Variants in SSX2IP observed in about 807,000 individuals in gnomAD.
The protein encoded by SSX2IP is SSX family member 2 interacting protein.
In SSX2IP, 55 loss-of-function variants were observed where a neutral mutation model predicts 84.9. The observed-to-expected ratio is 0.65, with a 90% CI of 0.52 to 0.81. The LOEUF (loss-of-function observed/expected upper bound fraction) is 0.81, where lower values mean the gene tolerates loss of function less well. Among genes scored for constraint, SSX2IP ranks in the 30% least tolerant of loss-of-function variants. SSX2IP has a pLI of 0.00. For synonymous variants in SSX2IP, 239 were observed against 234.7 expected, an observed-to-expected ratio of 1.02 and a Z score of -0.17; for missense variants, 664 against 705.2, an observed-to-expected ratio of 0.94 and a Z score of 0.66.
intron 1 of SSX2IP, among the ~76,000 whole-genome samples, chr1:84,674,014 T>A (rs551019744): frequency 3.3e-5 from 5 of 152,276 alleles, no homozygotes; most frequent in Non-Finnish European, 5.9e-5. Flanking sequence ...CTGTACCAAC[T>A]AAGAAAGACA....
chr1:84,656,342 A>G lies in SSX2IP; in HGVS notation c.1215+6T>C. On this transcript the variant is annotated splice_donor_region_variant and intron_variant, in intron 10 of 13. Transcript: ENST00000342203. ...AGAACAGCTTTAAAAGGTAATTCATATTCACCTGTAAAAGCTGTTGCTGAG... is the reference window on the plus strand; with the variant it reads ...AGAACAGCTTTAAAAGGTAATTCATGTTCACCTGTAAAAGCTGTTGCTGAG... 1 of 1,609,700 alleles carries G rather than the reference A, an allele frequency of 6.2e-7. No individual in the cohort carries two copies.
chr1:84,665,206 C>T (rs1444350266), intron 5 of SSX2IP, among the ~76,000 whole-genome samples: 3 of 152,072 alleles, frequency 2.0e-5, no homozygotes, highest in Non-Finnish European at 2.9e-5. Flanking sequence ...TAATCCCTAC[C>T]GAAGATGAGC....
rs1327340295 is a variant in SSX2IP, at chr1:84,656,453, A to T, written c.1110T>A (p.Asp370Glu). ...GGTCTTGTCGTGAGATTACATCTTCATCATTAAAACCTTCCAGGTGTACCT... is the reference window on the plus strand; with the variant it reads ...GGTCTTGTCGTGAGATTACATCTTCTTCATTAAAACCTTCCAGGTGTACCT... ...VSKVHLEGFNDEDVISRQDHE... is the reference protein window; with the variant it reads ...VSKVHLEGFNEEDVISRQDHE... Residue 370 changes from aspartate (D) to glutamate (E), a missense_variant, in exon 10 of 14, where the codon GAT (aspartate) becomes GAA (glutamate). Physicochemically the swap from Asp to Glu is conservative, Grantham distance 45. Coordinates refer to ENST00000342203, the MANE Select transcript of SSX2IP (RefSeq NM_001166293.2). 1 of 1,613,080 alleles carries T rather than the reference A, an allele frequency of 6.2e-7. No homozygotes were observed. Among genetic ancestry groups the T allele is most frequent in the South Asian group, 1.1e-5 (1 of 90,924 alleles).
At chr1:84,670,588 T>C in intron 3 of SSX2IP, 58 bp downstream of exon 3, 1 of 1,220,534 alleles carries the variant, frequency 8.2e-7, no homozygotes, top group Non-Finnish European at 1.1e-6. Context: ...CTCATAATTT[T>C]GATACATTCT....
rs1481095752 is a variant in SSX2IP at position 84,645,132 on chromosome 1, T to C, written c.*2301A>G. On this transcript the variant is annotated 3_prime_UTR_variant, in exon 14 of 14. Coordinates refer to ENST00000342203, the MANE Select transcript of SSX2IP (RefSeq NM_001166293.2). ...AGGACTTACAAATGGAAGTACACTC[T>C]AGAACCATCATCTATCATGGCTAAA... The C allele has an allele frequency of 6.6e-6, 1 of 152,226 alleles. No homozygotes were observed. The highest frequency in any genetic ancestry group is 1.5e-5 in the Non-Finnish European group (1 of 68,038). 9.4% of individuals were successfully genotyped at this position (152,226 alleles called of 1,614,324 possible).
Position 84,647,284 on chromosome 1 carries a change from C to T in SSX2IP, c.*149G>A. The T allele has an allele frequency of 1.7e-6, 1 of 583,862 alleles. No individual in the cohort carries two copies. The highest frequency in any genetic ancestry group is 2.8e-6 in the Non-Finnish European group (1 of 357,302). The allele number at this position is 583,862 out of a possible 1,614,324, so 36.2% of individuals were successfully genotyped here. On this transcript the variant is annotated 3_prime_UTR_variant, in exon 14 of 14. Coordinates refer to ENST00000342203, the MANE Select transcript of SSX2IP (RefSeq NM_001166293.2). ...ATCCTTTTAAATAGATTTAAGATTT[C>T]AACTCTTTGGGGGAAGACAGGGAAG...
At position 84,647,134 on chromosome 1, in the gene SSX2IP, T is replaced by G. The variant is rs1649543670; in HGVS notation, c.*299A>C. 2 of 211,894 alleles carry G rather than the reference T, an allele frequency of 9.4e-6. No homozygotes were observed. The highest frequency in any genetic ancestry group is 5.8e-5 in the Admixed American group (1 of 17,236). 13.1% of individuals were successfully genotyped at this position (211,894 alleles called of 1,614,324 possible). A position where few individuals can be genotyped will look rare whatever the true frequency, so the allele number is the denominator to read the frequency against. On this transcript the variant is annotated 3_prime_UTR_variant, in exon 14 of 14. Coordinates refer to ENST00000342203, the MANE Select transcript of SSX2IP (RefSeq NM_001166293.2). Reference sequence around the variant, plus strand: ...ACAATAATCAGTTTCCTAAAAGTGCTATTTTTAATACCTATAAGAGGAAAC... The same window carrying G: ...ACAATAATCAGTTTCCTAAAAGTGCGATTTTTAATACCTATAAGAGGAAAC...
At chr1:84,689,562 C>T (rs986034809) in intron 1 of SSX2IP, among the ~76,000 whole-genome samples, 2 of 152,206 alleles carry the variant, frequency 1.3e-5, no homozygotes, top group Admixed American at 6.5e-5. Flanking sequence ...TGCTAGTAAT[C>T]GCAGTTTGGC....
rs1015395832 is a variant in SSX2IP at position 84,644,979 on chromosome 1, T to G, written c.*2454A>C. ...GACTGCAGATGCAAACATTTAATGG[T>G]GAACAAAATGTTTATCTCAATTTTT... is the stretch of plus-strand genomic sequence containing the variant. On this transcript the variant is annotated 3_prime_UTR_variant, in exon 14 of 14. Transcript: ENST00000342203. 8 of 152,224 alleles carry G rather than the reference T, an allele frequency of 5.3e-5. No homozygotes were observed. 9.4% of individuals were successfully genotyped at this position (152,224 alleles called of 1,614,324 possible). A position where few individuals can be genotyped will look rare whatever the true frequency, so the allele number is the denominator to read the frequency against.
At chr1:84,652,619 A>G (rs1570570064) in intron 11 of SSX2IP, among the ~76,000 whole-genome samples, 1 of 151,742 alleles carries the variant, frequency 6.6e-6, no homozygotes, top group East Asian at 1.9e-4. Context: ...AGTCCCAGCT[A>G]CTCAGGAGGC....
intron 4 of SSX2IP, among the ~76,000 whole-genome samples, chr1:84,668,453 T>C (rs542060121): frequency 2.6e-5 from 4 of 152,238 alleles, no homozygotes; most frequent in East Asian, 3.9e-4. Flanking sequence ...CTTTATCCCT[T>C]AGGAATATAA....
intron 11 of SSX2IP, chr1:84,655,271 T>C: frequency 9.8e-7 from 1 of 1,016,282 alleles, no homozygotes; most frequent in Non-Finnish European, 1.2e-6. Context: ...AGGAGGATAC[T>C]TTCTTACTTT....
chr1:84,686,326 C>T (rs1178602942), intron 1 of SSX2IP, among the ~76,000 whole-genome samples: 3 of 152,198 alleles, frequency 2.0e-5, no homozygotes, highest in Admixed American at 2.0e-4. Context: ...TAGTGAAGAA[C>T]AGGTAAGAAA....
intron 1 of SSX2IP, among the ~76,000 whole-genome samples, chr1:84,679,575 A>G (rs1654803600): frequency 6.6e-6 from 1 of 152,196 alleles, no homozygotes; most frequent in Non-Finnish European, 1.5e-5. Flanking sequence ...GGGTCAACAG[A>G]CTGATTCATA....
intron 1 of SSX2IP, among the ~76,000 whole-genome samples, chr1:84,672,239 A>G (rs1557511259): frequency 1.3e-5 from 2 of 152,210 alleles, no homozygotes; most frequent in Admixed American, 6.5e-5. Context: ...AAGGGTGAAG[A>G]CTGCAGGCAG....
intron 3 of SSX2IP, chr1:84,670,325 G>A (rs547409830): frequency 1.8e-4 from 35 of 189,448 alleles, no homozygotes; most frequent in Non-Finnish European, 3.0e-4. Flanking sequence ...AGGACAAAGA[G>A]TTAAGAGGAC....
At chr1:84,649,202 T>A (rs77681809) in intron 13 of SSX2IP, among the ~76,000 whole-genome samples, 1 of 152,066 alleles carries the variant, frequency 6.6e-6, no homozygotes, top group Non-Finnish European at 1.5e-5. Context: ...GAGTTAATAA[T>A]TGCTGAACCT....
chr1:84,652,592 T>A (rs775328796), intron 11 of SSX2IP, among the ~76,000 whole-genome samples: 1 of 149,600 alleles, frequency 6.7e-6, no homozygotes, highest in Non-Finnish European at 1.5e-5. Context: ...TAGCCGGGCA[T>A]GGTGGCGTGC....
rs1039588913 is a variant in SSX2IP at position 84,646,458 on chromosome 1, T to C, written c.*975A>G. The C allele has an allele frequency of 1.3e-5, 2 of 152,550 alleles. No individual in the cohort carries two copies. Among genetic ancestry groups the C allele is most frequent in the African/African-American group, 4.8e-5 (2 of 41,446 alleles). The allele number at this position is 152,550 out of a possible 1,614,324, so 9.4% of individuals were successfully genotyped here. A position where few individuals can be genotyped will look rare whatever the true frequency, so the allele number is the denominator to read the frequency against. On this transcript the variant is annotated 3_prime_UTR_variant, in exon 14 of 14. Coordinates refer to ENST00000342203, the MANE Select transcript of SSX2IP (RefSeq NM_001166293.2). ...TCATTAAAAAATTATTAAAAAATTATTGACAATACAAAGCCCTAGTTAGTA... is the reference window on the plus strand; with the variant it reads ...TCATTAAAAAATTATTAAAAAATTACTGACAATACAAAGCCCTAGTTAGTA...
Sources: allele counts gnomAD v4.1 joint callset (sites outside exome capture counted in the v4.1 genomes callset), GRCh38; gene constraint gnomAD v4.1.1; transcripts MANE v1.5; gene names NCBI Gene and HGNC (gene_info 2026-07-23, HGNC 2026-07-21).